Variants in CCDC85C observed in about 807,000 individuals in gnomAD.
The protein encoded by CCDC85C is coiled-coil domain-containing protein 85C.
In CCDC85C, 18 loss-of-function variants were observed where a neutral mutation model predicts 38.3. The ratio of observed to expected loss-of-function variants is 0.47; its 90% confidence interval spans 0.33 to 0.70. The LOEUF (loss-of-function observed/expected upper bound fraction) is 0.70. Ranked by LOEUF, CCDC85C falls within the 30% of genes least tolerant of loss-of-function variation. The pLI, the probability that CCDC85C is intolerant of heterozygous loss-of-function variation, is 0.03. For synonymous variants in CCDC85C, 264 were observed against 293.8 expected, an observed-to-expected ratio of 0.90 and a Z score of 1.04; for missense variants, 566 against 621.2, an observed-to-expected ratio of 0.91 and a Z score of 0.94.
At chr14:99,595,515 A>G (rs1045090917) in intron 1 of CCDC85C, among the ~76,000 whole-genome samples, 1 of 152,166 alleles carries the variant, frequency 6.6e-6, no homozygotes, top group East Asian at 1.9e-4. Flanking sequence ...TCTTTCTGCG[A>G]AGCCTGGTCT....
intron 1 of CCDC85C, among the ~76,000 whole-genome samples, chr14:99,560,179 G>GCCA (rs1898090204): frequency 6.6e-6 from 1 of 152,066 alleles, no homozygotes; most frequent in South Asian, 2.1e-4. Context: ...CTCCACCAAA[G>GCCA]GCTGCCCTCT....
Position 99,548,230 on chromosome 14 carries a change from T to C in CCDC85C, c.794-12142A>G, listed in dbSNP as rs1897842720. 6.6e-6 allele frequency among the ~76,000 whole-genome samples: 1 copy of C among 151,266 alleles called. No individual in the cohort carries two copies. The highest frequency in any genetic ancestry group is 2.1e-4 in the South Asian group (1 of 4,788). On this transcript the variant is annotated intron_variant, in intron 1 of 5. Transcript: ENST00000380243. This position sits in a 1 kb window ranked among gnomAD's most constrained non-coding sequence, Gnocchi z 4.9. ...TCCCTAACATCAATAAGGAAATACA[T>C]GGGAAGGGGCAGAGGTATAGGAAGA...
intron 1 of CCDC85C, among the ~76,000 whole-genome samples, chr14:99,552,261 G>T (rs1897925687): frequency 6.6e-6 from 1 of 152,230 alleles, no homozygotes; most frequent in Non-Finnish European, 1.5e-5. Flanking sequence ...ACTGCTAGGG[G>T]TGCTGCAATC....
Position 99,523,322 on chromosome 14 carries a change from C to T in CCDC85C, c.868-1082G>A, listed in dbSNP as rs1897327991. Among the ~76,000 whole-genome samples the T allele has an allele frequency of 2.0e-5, 3 of 152,186 alleles. No homozygotes were observed. In the South Asian group the frequency reaches 6.2e-4, roughly 31 times the overall value. On this transcript the variant is annotated intron_variant, in intron 2 of 5. Transcript: ENST00000380243. Reference sequence around the variant, plus strand: ...TCCCACACACACCCTGCTTGCCTCCCTCAAAAGCTGGACCTGGCCCCGCAC... The same window carrying T: ...TCCCACACACACCCTGCTTGCCTCCTTCAAAAGCTGGACCTGGCCCCGCAC...
chr14:99,522,472 T>C, intron 2 of CCDC85C: 1 of 433,646 alleles, frequency 2.3e-6, no homozygotes, highest in Non-Finnish European at 4.2e-6. Flanking sequence ...TTGTAAACAT[T>C]TGTTGGATGG....
rs1046719900 is a variant in CCDC85C, at chr14:99,558,970, T to C, written c.794-22882A>G. 2.6e-5 allele frequency among the ~76,000 whole-genome samples: 4 copies of C among 152,076 alleles called. No homozygotes were observed. Among genetic ancestry groups the C allele is most frequent in the Non-Finnish European group, 2.9e-5 (2 of 68,020 alleles). Reference sequence around the variant, plus strand: ...TCCTCTGTGATCTGGTTGTTTAAAGTGTGTGGCTCCTCCCCGCACTCTACT... The same window carrying C: ...TCCTCTGTGATCTGGTTGTTTAAAGCGTGTGGCTCCTCCCCGCACTCTACT... On this transcript the variant is annotated intron_variant, in intron 1 of 5. Coordinates refer to ENST00000380243, the MANE Select transcript of CCDC85C (RefSeq NM_001144995.2). This position sits in a 1 kb window ranked among gnomAD's most constrained non-coding sequence, Gnocchi z 4.2.
At chr14:99,563,438 C>G (rs777889812) in intron 1 of CCDC85C, among the ~76,000 whole-genome samples, 1 of 152,292 alleles carries the variant, frequency 6.6e-6, no homozygotes, top group Non-Finnish European at 1.5e-5. Context: ...CCCCCCTCAC[C>G]CTGCCCTGGC....
chr14:99,580,381 G>A (rs2054953556), intron 1 of CCDC85C, among the ~76,000 whole-genome samples: 1 of 149,802 alleles, frequency 6.7e-6, no homozygotes. Context: ...GAGGCAGGAG[G>A]GGCTTTTGGA....
chr14:99,552,756 G>T (rs1039210700), intron 1 of CCDC85C, among the ~76,000 whole-genome samples: 1 of 152,242 alleles, frequency 6.6e-6, no homozygotes, highest in African/African-American at 2.4e-5. Flanking sequence ...AGTGCAGCTG[G>T]AATCATCGCC....
chr14:99,574,571 C>T (rs926169513), intron 1 of CCDC85C, among the ~76,000 whole-genome samples: 1 of 152,106 alleles, frequency 6.6e-6, no homozygotes, highest in African/African-American at 2.4e-5. Context: ...GAACTCCCGG[C>T]CTGTGAGGAG....
rs540433047 is a variant in CCDC85C at position 99,572,543 on chromosome 14, C to A, written c.793+30624G>T. On this transcript the variant is annotated intron_variant, in intron 1 of 5. Transcript: ENST00000380243. The surrounding 1 kb of genome is among the most constrained non-coding windows in gnomAD (Gnocchi z 4.4). ...ATAGCTCCTCCTACCCTGCCCCCTTCGGTCACCAGAGTCCAGCCACAGGGC... is the reference window on the plus strand; with the variant it reads ...ATAGCTCCTCCTACCCTGCCCCCTTAGGTCACCAGAGTCCAGCCACAGGGC... Among the ~76,000 whole-genome samples, 6 of 152,174 alleles carry A rather than the reference C, an allele frequency of 3.9e-5. No homozygotes were observed. The highest frequency in any genetic ancestry group is 1.4e-4 in the African/African-American group (6 of 41,426).
intron 2 of CCDC85C, among the ~76,000 whole-genome samples, chr14:99,530,051 C>G (rs2139910683): frequency 6.6e-6 from 1 of 152,340 alleles, no homozygotes; most frequent in Admixed American, 6.5e-5. Context: ...ACTAGTGAGA[C>G]TTGAACCAGG....
At chr14:99,537,467 C>A (rs1046835969) in intron 1 of CCDC85C, among the ~76,000 whole-genome samples, 1 of 152,146 alleles carries the variant, frequency 6.6e-6, no homozygotes, top group African/African-American at 2.4e-5. Flanking sequence ...TGCTTGGGAG[C>A]CCCCTATTCA....
intron 1 of CCDC85C, among the ~76,000 whole-genome samples, chr14:99,571,593 T>C (rs898186439): frequency 1.3e-5 from 2 of 152,178 alleles, no homozygotes; most frequent in African/African-American, 4.8e-5. Context: ...ACTGGAAAGA[T>C]CAAACACAGT....
At chr14:99,590,871 C>G (rs993841346) in intron 1 of CCDC85C, among the ~76,000 whole-genome samples, 2 of 152,200 alleles carry the variant, frequency 1.3e-5, no homozygotes, top group African/African-American at 4.8e-5. Flanking sequence ...AGGAAAGCAC[C>G]ACAAGGCTGC....
intron 1 of CCDC85C, among the ~76,000 whole-genome samples, chr14:99,559,257 T>C (rs1021053076): frequency 6.6e-6 from 1 of 151,892 alleles, no homozygotes; most frequent in African/African-American, 2.4e-5. Context: ...CGCTGACACC[T>C]TGACTTTGGA....
At chr14:99,554,548 A>G (rs10144571) in intron 1 of CCDC85C, among the ~76,000 whole-genome samples, 80,801 of 152,044 alleles carry the variant, frequency 0.53, 21,669 homozygotes, top group African/African-American at 0.58. Context: ...TGCCAGCTCC[A>G]AGCAGGTGAC....
Position 99,604,188 on chromosome 14 carries a change from C to T in CCDC85C, c.-229G>A, listed in dbSNP as rs1035982589. 4.5e-4 allele frequency among the ~76,000 whole-genome samples: 67 copies of T among 148,328 alleles called. No individual in the cohort carries two copies. The highest frequency in any genetic ancestry group is 1.5e-3 in the African/African-American group (61 of 41,100). On this transcript the variant is annotated 5_prime_UTR_variant, in exon 1 of 6. Coordinates refer to ENST00000380243, the MANE Select transcript of CCDC85C (RefSeq NM_001144995.2). ...GGCTGCTGCGTCGGCGGCCGCGGTG[C>T]CGGGCGCTCTCAGGGTTCTGGAGAA...
At chr14:99,564,953 C>T (rs550126027) in intron 1 of CCDC85C, among the ~76,000 whole-genome samples, 2 of 152,308 alleles carry the variant, frequency 1.3e-5, no homozygotes, top group African/African-American at 2.4e-5. Flanking sequence ...CCAGAAGGTG[C>T]GGGATCTGCG....
Sources: allele counts gnomAD v4.1 joint callset (sites outside exome capture counted in the v4.1 genomes callset), GRCh38; gene constraint gnomAD v4.1.1; non-coding constraint Gnocchi (gnomAD v3.1); transcripts MANE v1.5; gene names NCBI Gene and HGNC (gene_info 2026-07-23, HGNC 2026-07-21).